The following UNC13A variants were observed in gnomAD, a reference collection of about 807,000 sequenced individuals.
UNC13A encodes unc-13 homolog A.
Under a neutral mutation model 219.7 loss-of-function variants are expected in UNC13A, and 61 were observed. That is an observed-to-expected ratio of 0.28 (90% CI 0.23 to 0.34). The LOEUF is 0.34. Among genes scored for constraint, UNC13A ranks in the 10% least tolerant of loss-of-function variants. The pLI is 1.00. For synonymous variants in UNC13A, 920 were observed against 884.6 expected (o/e 1.04, Z -0.71); for missense variants, 1,476 against 2,270.3 (o/e 0.65, Z 7.11).
intron 25 of UNC13A, 93 bp from the exon 26 acceptor site, chr19:17,636,250 T>A (rs1010341129): frequency 1.9e-5 from 26 of 1,402,986 alleles, no homozygotes; most frequent in Non-Finnish European, 2.3e-5. Flanking sequence ...TTTAGAGGAA[T>A]GCATCCCATC....
intron 41 of UNC13A, among the ~76,000 whole-genome samples, chr19:17,612,483 A>G (rs2076614531): frequency 6.6e-6 from 1 of 152,152 alleles, no homozygotes; most frequent in South Asian, 2.1e-4. Flanking sequence ...CTATTGCAGT[A>G]GCCTCCTTGC....
intron 1 of UNC13A, among the ~76,000 whole-genome samples, chr19:17,685,868 G>C (rs28508201): frequency 6.6e-6 from 1 of 151,758 alleles, no homozygotes; most frequent in Non-Finnish European, 1.5e-5. Flanking sequence ...CAGGCAACAC[G>C]GCAACCCATC....
rs138102871 is a variant in UNC13A at position 17,681,978 on chromosome 19, A to C, written c.23-5937T>G. ...TTTTTTTTTTTTTTTTTTTTGACGG[A>C]GTCTCACTCTGTAGCCCAAGCTGGA... On this transcript the variant is annotated intron_variant, in intron 1 of 43. Coordinates refer to ENST00000519716, the MANE Select transcript of UNC13A (RefSeq NM_001080421.3). Among the ~76,000 whole-genome samples the C allele has an allele frequency of 4.3e-3, 602 of 138,838 alleles. 4 individuals are homozygous for C. The highest frequency in any genetic ancestry group is 0.015 in the African/African-American group (559 of 36,962). The allele number at this position is 138,838 out of a possible 152,430, so 91.1% of individuals were successfully genotyped here. A position where few individuals can be genotyped will look rare whatever the true frequency, so the allele number is the denominator to read the frequency against.
chr19:17,638,125 C>G (rs532504872), intron 25 of UNC13A, among the ~76,000 whole-genome samples: 186 of 146,160 alleles, frequency 1.3e-3, no homozygotes, highest in African/African-American at 4.4e-3. Context: ...CCCACTATCT[C>G]AATACTAACC....
intron 8 of UNC13A, among the ~76,000 whole-genome samples, chr19:17,662,728 G>A (rs951992469): frequency 6.6e-6 from 1 of 152,024 alleles, no homozygotes; most frequent in East Asian, 1.9e-4. Flanking sequence ...AGACCCTCCT[G>A]GCTAACACGG....
intron 42 of UNC13A, among the ~76,000 whole-genome samples, chr19:17,610,503 G>A (rs914805425): frequency 6.6e-6 from 1 of 151,964 alleles, no homozygotes; most frequent in Non-Finnish European, 1.5e-5. Flanking sequence ...CCCCTCGCCC[G>A]CCGCCAAAAA....
chr19:17,627,683 T>A lies in UNC13A; in HGVS notation c.3832-86A>T. 7.6e-7 allele frequency: 1 copy of A among 1,319,104 alleles called. No homozygotes were observed. Among genetic ancestry groups the A allele is most frequent in the East Asian group, 2.5e-5 (1 of 39,890 alleles). 81.7% of individuals were successfully genotyped at this position (1,319,104 alleles called of 1,614,324 possible). ...TTCTCATCTGACCCAGGGAAAGGGA[T>A]CCCAAGGGGCTGCAGGGGAAACTGA... On this transcript the variant is annotated intron_variant, in intron 32 of 43. Transcript: ENST00000519716. The surrounding 1 kb of genome is among the most constrained non-coding windows in gnomAD (Gnocchi z 4.7).
intron 28 of UNC13A, 88 bp from the exon 29 acceptor site, chr19:17,630,838 G>C: frequency 8.4e-7 from 1 of 1,184,576 alleles, no homozygotes; most frequent in Non-Finnish European, 1.2e-6. Flanking sequence ...AACGAGTGGA[G>C]CTATGGCTGC....
intron 16 of UNC13A, 88 bp from the exon 17 acceptor site, chr19:17,647,580 C>T: frequency 7.5e-7 from 1 of 1,327,280 alleles, no homozygotes; most frequent in South Asian, 1.3e-5. Flanking sequence ...TACTCATCAA[C>T]CGGGGGGACT....
chr19:17,676,266 A>T, intron 1 of UNC13A: 1 of 662,896 alleles, frequency 1.5e-6, no homozygotes, highest in South Asian at 1.5e-5. Flanking sequence ...AGGAAAGAGG[A>T]GGCAGGGATG....
rs746642717 is a variant in UNC13A, at chr19:17,674,631, G to A, written c.152+26C>T. 3 of 1,607,084 alleles carry A rather than the reference G, an allele frequency of 1.9e-6. No individual in the cohort carries two copies. The highest frequency in any genetic ancestry group is 3.3e-5 in the Admixed American group (2 of 60,004). On this transcript the variant is annotated intron_variant, in intron 3 of 43. Transcript: ENST00000519716. This position sits in a 1 kb window ranked among gnomAD's most constrained non-coding sequence, Gnocchi z 5.0. ...GGTGCTGGGCTATGCCAGGGAGTGA[G>A]GTCATGCCAGACGCTGCAGACTCAC...
At chr19:17,661,293 T>C (rs2079546961) in intron 8 of UNC13A, among the ~76,000 whole-genome samples, 1 of 152,112 alleles carries the variant, frequency 6.6e-6, no homozygotes, top group Non-Finnish European at 1.5e-5. Context: ...CCAAAGTGTT[T>C]GTCAACAGTT....
chr19:17,604,834 G>GCT lies in UNC13A; in HGVS notation c.*1218_*1219dup, dbSNP rs1169865567. On this transcript the variant is annotated 3_prime_UTR_variant, in exon 44 of 44. Coordinates refer to ENST00000519716, the MANE Select transcript of UNC13A (RefSeq NM_001080421.3). ...CAATGAATAGGCTCTTGGAGACTAA[G>GCT]CTCTCACTGTGTCACTGTGTTTGTG... 6.6e-6 allele frequency: 1 copy of GCT among 152,188 alleles called. No individual in the cohort carries two copies. Among genetic ancestry groups the GCT allele is most frequent in the Admixed American group, 6.5e-5 (1 of 15,268 alleles). 9.4% of individuals were successfully genotyped at this position (152,188 alleles called of 1,614,324 possible). A position where few individuals can be genotyped will look rare whatever the true frequency, so the allele number is the denominator to read the frequency against.
Position 17,624,894 on chromosome 19 carries a change from G to A in UNC13A, c.4132C>T (p.Leu1378=), listed in dbSNP as rs781325794. 6.2e-7 allele frequency: 1 copy of A among 1,613,874 alleles called. No individual in the cohort carries two copies. Among genetic ancestry groups the A allele is most frequent in the Non-Finnish European group, 8.5e-7 (1 of 1,179,788 alleles). ...ATGGTGTTCATAACCAGCTTCCACA[G>A]CTCCTTCAGCACTCGCTTCAGCACA... ...KTVLKRVLKE[L]WKLVMNTMEK... The change falls in exon 35 of 44, where the codon CTG becomes TTG. Residue 1378 remains leucine (L), a synonymous_variant. Transcript: ENST00000519716.
rs772671109 is a variant in UNC13A at position 17,647,486 on chromosome 19, G to A, written c.1823C>T (p.Ala608Val). The change falls in exon 17 of 44, where the codon GCG (alanine) becomes GTG (valine). Residue 608 changes from alanine to valine, a missense_variant. By Grantham distance (64) the Ala-to-Val change is moderately conservative. This residue lies in a region of UNC13A where 85 missense variants were observed against 211.5 expected (regional missense o/e 0.40). Coordinates refer to ENST00000519716, the MANE Select transcript of UNC13A (RefSeq NM_001080421.3). ...LLNADCLQRA[A>V]EKSSKHGAED... is the part of the protein sequence containing the mutation. ...CGCCCCGTGCTTGGAGCTCTTCTCCGCAGCCCCTGAGGACGCCCGAGGCCG... is the reference window on the plus strand; with the variant it reads ...CGCCCCGTGCTTGGAGCTCTTCTCCACAGCCCCTGAGGACGCCCGAGGCCG... The A allele has an allele frequency of 1.9e-6, 3 of 1,612,120 alleles. No homozygotes were observed. The highest frequency in any genetic ancestry group is 1.7e-5 in the Admixed American group (1 of 59,980).
rs575450453 is a variant in UNC13A, at chr19:17,629,169, G to T, written c.3753+71C>A. On this transcript the variant is annotated intron_variant, in intron 31 of 43. Coordinates refer to ENST00000519716, the MANE Select transcript of UNC13A (RefSeq NM_001080421.3). ...CATAGCCCCAGGTGTCAGGGCCCTG[G>T]GGAGAAGGGAGTCCTGGGGATGCTG... is the stretch of plus-strand genomic sequence containing the variant. 179 of 1,373,378 alleles carry T rather than the reference G, an allele frequency of 1.3e-4. No individual in the cohort carries two copies. The African/African-American group carries it at 2.3e-3, about 18-fold the overall frequency. The allele number at this position is 1,373,378 out of a possible 1,614,324, so 85.1% of individuals were successfully genotyped here.
intron 40 of UNC13A, 21 bp downstream of exon 40, chr19:17,618,400 G>C: frequency 6.4e-7 from 1 of 1,563,776 alleles, no homozygotes; most frequent in Non-Finnish European, 8.7e-7. Flanking sequence ...ACCTGGGATG[G>C]GGAGGGGTAG....
At chr19:17,608,507 ATATATAAT>A (rs1471873743) in intron 43 of UNC13A, among the ~76,000 whole-genome samples, 1 of 140,866 alleles carries the variant, frequency 7.1e-6, no homozygotes. Context: ...TACATATTTT[ATATATAAT>A]TATATAATAT....
Position 17,620,681 on chromosome 19 carries a change from G to A in UNC13A, c.4272+12C>T, listed in dbSNP as rs2076719954. On this transcript the variant is annotated intron_variant, in intron 38 of 43. Coordinates refer to ENST00000519716, the MANE Select transcript of UNC13A (RefSeq NM_001080421.3). The stretch of plus-strand genomic sequence containing the variant: ...GATGGGAGCCAGACAGACAGTGAGA[G>A]GCCGGTCTTACGTCTGAGTGGCTTG... 3 of 1,612,478 alleles carry A rather than the reference G, an allele frequency of 1.9e-6. No homozygotes were observed. Among genetic ancestry groups the A allele is most frequent in the Non-Finnish European group, 8.5e-7 (1 of 1,179,400 alleles).
Sources: allele counts gnomAD v4.1 joint callset (sites outside exome capture counted in the v4.1 genomes callset), GRCh38; gene constraint gnomAD v4.1.1; regional missense constraint gnomAD v4.1.1; non-coding constraint Gnocchi (gnomAD v3.1); transcripts MANE v1.5; gene names NCBI Gene and HGNC (gene_info 2026-07-23, HGNC 2026-07-21).